PHACTR4: variants seen among roughly 807,000 people sequenced by gnomAD.
The protein encoded by PHACTR4 is phosphatase and actin regulator 4, also known as protein phosphatase 1, regulatory subunit 124.
Under a neutral mutation model 72.7 loss-of-function variants are expected in PHACTR4, and 51 were observed. The ratio of observed to expected loss-of-function variants is 0.70; its 90% confidence interval spans 0.56 to 0.89. The LOEUF is 0.89. Ranked by LOEUF, PHACTR4 falls within the 40% of genes least tolerant of loss-of-function variation. PHACTR4 has a pLI of 0.00. For synonymous variants in PHACTR4, 255 were observed against 302.5 expected, an observed-to-expected ratio of 0.84 and a Z score of 1.63; for missense variants, 731 against 861.8, an observed-to-expected ratio of 0.85 and a Z score of 1.90.
intron 2 of PHACTR4, among the ~76,000 whole-genome samples, chr1:28,419,911 G>A (rs1040218614): frequency 1.3e-5 from 2 of 152,124 alleles, no homozygotes; most frequent in Non-Finnish European, 1.5e-5. Context: ...CGAATGTTGT[G>A]TATATCCTTC....
intron 2 of PHACTR4, among the ~76,000 whole-genome samples, chr1:28,446,015 G>GATAA (rs1557819637): frequency 6.6e-6 from 1 of 151,998 alleles, no homozygotes; most frequent in African/African-American, 2.4e-5. Flanking sequence ...GTAAATAATA[G>GATAA]GTTAATTTAA....
intron 13 of PHACTR4, among the ~76,000 whole-genome samples, chr1:28,495,684 G>A (rs942065028): frequency 1.3e-4 from 19 of 148,290 alleles, no homozygotes; most frequent in African/African-American, 4.5e-4. Flanking sequence ...TGGCATGATC[G>A]TGGCTCACTG....
At chr1:28,379,054 T>C (rs1462584046) in intron 1 of PHACTR4, among the ~76,000 whole-genome samples, 1 of 152,096 alleles carries the variant, frequency 6.6e-6, no homozygotes, top group Non-Finnish European at 1.5e-5. Context: ...CCTGCTGGGC[T>C]CAAGCAATCT....
chr1:28,422,788 C>G (rs1224048788), intron 2 of PHACTR4: 1 of 152,116 alleles, frequency 6.6e-6, no homozygotes, highest in Non-Finnish European at 1.5e-5. Flanking sequence ...TAGGTAAAAA[C>G]TAGAGACTTC....
chr1:28,433,348 G>C (rs1312370998), intron 2 of PHACTR4, among the ~76,000 whole-genome samples: 1 of 151,860 alleles, frequency 6.6e-6, no homozygotes, highest in East Asian at 1.9e-4. Context: ...AATTAGCACA[G>C]AGTAAATACT....
chr1:28,385,204 T>C (rs1652465065), intron 1 of PHACTR4, among the ~76,000 whole-genome samples: 1 of 152,134 alleles, frequency 6.6e-6, no homozygotes, highest in South Asian at 2.1e-4. Context: ...TTTTCATTAG[T>C]TTCAAAGAAC....
chr1:28,391,577 G>A (rs1653036430), intron 1 of PHACTR4, among the ~76,000 whole-genome samples: 3 of 148,254 alleles, frequency 2.0e-5, no homozygotes, highest in Non-Finnish European at 3.0e-5. Context: ...GTACAACATA[G>A]TGACCTTAGT....
chr1:28,435,076 A>G (rs984813724), intron 2 of PHACTR4, among the ~76,000 whole-genome samples: 2 of 152,098 alleles, frequency 1.3e-5, no homozygotes, highest in African/African-American at 2.4e-5. Context: ...TAATATTTCT[A>G]TACACCAACT....
chr1:28,427,196 G>GT (rs1256508438), intron 2 of PHACTR4, among the ~76,000 whole-genome samples: 1 of 152,124 alleles, frequency 6.6e-6, no homozygotes, highest in East Asian at 1.9e-4. Context: ...GCTTGGAAAT[G>GT]TTGCTTTTTG....
chr1:28,496,747 T>C lies in PHACTR4; in HGVS notation c.*198T>C, dbSNP rs1458461277. The C allele has an allele frequency of 3.1e-6, 2 of 636,666 alleles. No homozygotes were observed. Among genetic ancestry groups the C allele is most frequent in the East Asian group, 2.8e-5 (1 of 36,264 alleles). 39.4% of individuals were successfully genotyped at this position (636,666 alleles called of 1,614,324 possible). A position where few individuals can be genotyped will look rare whatever the true frequency, so the allele number is the denominator to read the frequency against. On this transcript the variant is annotated 3_prime_UTR_variant, in exon 14 of 14. Coordinates refer to ENST00000373839, the MANE Select transcript of PHACTR4 (RefSeq NM_001048183.3). ...CTGCACCGGGGGCAAAACAACACTT[T>C]GTCAGTGCTTTTGAACCTTTCAATA...
chr1:28,371,791 T>C (rs751664147), intron 1 of PHACTR4, among the ~76,000 whole-genome samples: 1 of 151,866 alleles, frequency 6.6e-6, no homozygotes, highest in Non-Finnish European at 1.5e-5. Flanking sequence ...TTGTATTGAT[T>C]GGGGTCCCAC....
intron 2 of PHACTR4, among the ~76,000 whole-genome samples, chr1:28,429,750 A>G (rs1049917132): frequency 6.6e-6 from 1 of 152,220 alleles, no homozygotes; most frequent in Non-Finnish European, 1.5e-5. Context: ...CCCTGCCCAC[A>G]AGGAATTTCT....
intron 2 of PHACTR4, among the ~76,000 whole-genome samples, chr1:28,452,197 C>A (rs1243891902): frequency 6.6e-6 from 1 of 151,566 alleles, no homozygotes; most frequent in South Asian, 2.1e-4. Context: ...AGATTTACAA[C>A]AATTTGAAAA....
At chr1:28,440,450 C>A (rs1656943303) in intron 2 of PHACTR4, among the ~76,000 whole-genome samples, 1 of 105,800 alleles carries the variant, frequency 9.5e-6, no homozygotes, top group Admixed American at 1.2e-4. Flanking sequence ...GGCTGGAGTG[C>A]AGTGGCTTGA....
rs746642128 is a variant in PHACTR4 at position 28,444,214 on chromosome 1, C to CTTTTTTT, written c.17-14847_17-14841dup. Among the ~76,000 whole-genome samples, 11 of 41,110 alleles carry CTTTTTTT rather than the reference C, an allele frequency of 2.7e-4. 2 individuals are homozygous for CTTTTTTT. The highest frequency in any genetic ancestry group is 5.2e-4 in the East Asian group (1 of 1,906). 27.0% of individuals were successfully genotyped at this position (41,110 alleles called of 152,430 possible). ...TGAGCATTTAAAAAAATATATTTGG[C>CTTTTTTT]TTTTTTTTTTTTTTTTTTTTTTTTT... is the stretch of plus-strand genomic sequence containing the variant. On this transcript the variant is annotated intron_variant, in intron 2 of 13. Transcript: ENST00000373839.
intron 9 of PHACTR4, among the ~76,000 whole-genome samples, chr1:28,488,181 TCC>T (rs1332171848): frequency 9.9e-5 from 15 of 152,046 alleles, no homozygotes; most frequent in Non-Finnish European, 2.2e-4. Context: ...TTCCAGTGGT[TCC>T]TAAACCACTG....
chr1:28,497,706 GCCTT>G lies in PHACTR4; in HGVS notation c.*1158_*1161del. Reference sequence around the variant, plus strand: ...CCTTGCAAAAAAAAAAAAAAAAAAAGCCTTAGCCAGATTCAGTGGCTCACGCCTG... The same window carrying G: ...CCTTGCAAAAAAAAAAAAAAAAAAAGAGCCAGATTCAGTGGCTCACGCCTG... On this transcript the variant is annotated 3_prime_UTR_variant, in exon 14 of 14. Transcript: ENST00000373839. 1 of 106,922 alleles carries G rather than the reference GCCTT, an allele frequency of 9.4e-6. No homozygotes were observed. Among genetic ancestry groups the G allele is most frequent in the African/African-American group, 3.7e-5 (1 of 26,744 alleles). The allele number at this position is 106,922 out of a possible 1,614,324, so 6.6% of individuals were successfully genotyped here.
intron 2 of PHACTR4, among the ~76,000 whole-genome samples, chr1:28,425,764 T>TA (rs1310835076): frequency 2.6e-5 from 4 of 152,200 alleles, no homozygotes; most frequent in Non-Finnish European, 5.9e-5. Flanking sequence ...CCAGCCGAAT[T>TA]AGGAAGAGTT....
intron 2 of PHACTR4, among the ~76,000 whole-genome samples, chr1:28,430,300 A>G (rs928883540): frequency 3.3e-5 from 5 of 152,222 alleles, no homozygotes; most frequent in Admixed American, 3.3e-4. Flanking sequence ...CTGGGATTAC[A>G]GGCATGAGCC....
Sources: allele counts gnomAD v4.1 joint callset (sites outside exome capture counted in the v4.1 genomes callset), GRCh38; gene constraint gnomAD v4.1.1; transcripts MANE v1.5; gene names NCBI Gene and HGNC (gene_info 2026-07-23, HGNC 2026-07-21).